Variants in CDKL4 observed in about 807,000 individuals in gnomAD.
CDKL4 encodes cyclin dependent kinase like 4.
A neutral mutation model predicts 42.0 loss-of-function variants in CDKL4; 44 were observed. That is an observed-to-expected ratio of 1.05 (90% confidence interval 0.82 to 1.35). CDKL4 has a LOEUF of 1.35. Among genes scored for constraint, CDKL4 ranks in the 40% most tolerant of loss-of-function variants. CDKL4 has a pLI of 0.00. For synonymous variants in CDKL4, 120 were observed against 121.6 expected (o/e 0.99, Z 0.09); for missense variants, 393 against 369.9 (o/e 1.06, Z -0.51).
intron 3 of CDKL4, 33 bp downstream of exon 3, chr2:39,225,806 G>C: frequency 1.3e-6 from 2 of 1,579,032 alleles, no homozygotes; most frequent in African/African-American, 1.4e-5. Context: ...CTGAGAACTG[G>C]CTGTACAGAA....
chr2:39,227,037 C>T (rs1389017273), intron 2 of CDKL4, among the ~76,000 whole-genome samples: 1 of 152,178 alleles, frequency 6.6e-6, no homozygotes, highest in Non-Finnish European at 1.5e-5. Context: ...CCATCTGCCT[C>T]GGCTTCTCAA....
At chr2:39,233,912 CTTTT>C (rs35337082) in intron 1 of CDKL4, among the ~76,000 whole-genome samples, 1 of 90,616 alleles carries the variant, frequency 1.1e-5, no homozygotes, top group Non-Finnish European at 2.3e-5. Flanking sequence ...TTTATTTTTA[CTTTT>C]TTTTTTTTTT....
chr2:39,228,986 T>C (rs1324052890), intron 2 of CDKL4, among the ~76,000 whole-genome samples: 2 of 152,176 alleles, frequency 1.3e-5, no homozygotes, highest in Admixed American at 6.5e-5. Context: ...TACCAGGGCA[T>C]TGGTGCGGTC....
chr2:39,173,644 C>T (rs1248578869), downstream of CDKL4, among the ~76,000 whole-genome samples: 1 of 151,976 alleles, frequency 6.6e-6, no homozygotes, highest in Non-Finnish European at 1.5e-5. Context: ...CCTGTCTCTA[C>T]TAAAAATACA....
rs540359890 is a variant in CDKL4 at position 39,203,226 on chromosome 2, T to C, written c.454+1301A>G. Among the ~76,000 whole-genome samples, 6 of 152,160 alleles carry C rather than the reference T, an allele frequency of 3.9e-5. No homozygotes were observed. In the East Asian group the frequency reaches 9.6e-4, roughly 24 times the overall value. Reference sequence around the variant, plus strand: ...ATGAAAAAGGAAAGGAAAAAAAGAATGCATATTCATGAAAAATTAAAAATA... The same window carrying C: ...ATGAAAAAGGAAAGGAAAAAAAGAACGCATATTCATGAAAAATTAAAAATA... On this transcript the variant is annotated intron_variant, in intron 5 of 9. Transcript: ENST00000451199.
chr2:39,206,055 T>C (rs1267780643), intron 4 of CDKL4, among the ~76,000 whole-genome samples: 1 of 42,684 alleles, frequency 2.3e-5, no homozygotes, highest in Non-Finnish European at 7.4e-5. Context: ...TTTTTTTTTG[T>C]TTTTTGTTTT....
intron 3 of CDKL4, among the ~76,000 whole-genome samples, chr2:39,218,428 G>A (rs1445754154): frequency 1.3e-5 from 2 of 152,176 alleles, no homozygotes. Flanking sequence ...GAGTTTGGGA[G>A]TTTGAGGCTG....
intron 2 of CDKL4, among the ~76,000 whole-genome samples, chr2:39,226,951 G>C (rs761095182): frequency 3.9e-5 from 6 of 152,084 alleles, no homozygotes; most frequent in Admixed American, 6.6e-5. Context: ...ATTTTTAGTA[G>C]AGATGGGGTT....
At chr2:39,188,132 G>A (rs114145064) in intron 6 of CDKL4, among the ~76,000 whole-genome samples, 3,344 of 152,222 alleles carry the variant, frequency 0.022, 45 homozygotes, top group Middle Eastern at 0.027. Context: ...TGAAGTGCAG[G>A]TGTGAAAGAA....
chr2:39,181,550 T>C (rs1186311315), intron 8 of CDKL4, among the ~76,000 whole-genome samples: 1 of 149,502 alleles, frequency 6.7e-6, no homozygotes, highest in Non-Finnish European at 1.5e-5. Flanking sequence ...AAAATATGTA[T>C]GTTGAAGTTC....
At chr2:39,197,521 G>A (rs1016118512) in intron 5 of CDKL4, among the ~76,000 whole-genome samples, 2 of 152,104 alleles carry the variant, frequency 1.3e-5, no homozygotes, top group Admixed American at 1.3e-4. Flanking sequence ...AAAGATCATC[G>A]CCTAGGCACA....
chr2:39,188,555 C>A (rs185436550), intron 6 of CDKL4, among the ~76,000 whole-genome samples: 88 of 89,000 alleles, frequency 9.9e-4, no homozygotes, highest in African/African-American at 3.6e-3. Context: ...AGTGACAGTC[C>A]GTCTCAAAAA....
chr2:39,219,749 G>C (rs1678186837), intron 3 of CDKL4, among the ~76,000 whole-genome samples: 1 of 152,096 alleles, frequency 6.6e-6, no homozygotes, highest in Non-Finnish European at 1.5e-5. Flanking sequence ...AATCACCTGA[G>C]GCCATCTGGA....
chr2:39,211,383 C>A (rs1304735342), intron 4 of CDKL4, among the ~76,000 whole-genome samples: 7 of 152,020 alleles, frequency 4.6e-5, no homozygotes, highest in Admixed American at 4.6e-4. Context: ...GCGAGACTGT[C>A]CCAAAAATAT....
At position 39,223,581 on chromosome 2, in the gene CDKL4, C is replaced by CTTT. The variant is rs59461223; in HGVS notation, c.290+2255_290+2257dup. 5.6e-3 allele frequency among the ~76,000 whole-genome samples: 466 copies of CTTT among 83,480 alleles called. 21 individuals carry two copies. The highest frequency in any genetic ancestry group is 0.021 in the African/African-American group (446 of 20,766). The allele number at this position is 83,480 out of a possible 152,430, so 54.8% of individuals were successfully genotyped here. ...TTAGATGTACTGGTCATTTCCTTCTCTTTTTTTTTTTTTTTGAAGACTTCT... is the reference window on the plus strand; with the variant it reads ...TTAGATGTACTGGTCATTTCCTTCTCTTTTTTTTTTTTTTTTTTGAAGACTTCT... On this transcript the variant is annotated intron_variant, in intron 3 of 9. Coordinates refer to ENST00000451199, the Ensembl canonical transcript of CDKL4.
intron 3 of CDKL4, among the ~76,000 whole-genome samples, chr2:39,223,679 C>G (rs945427355): frequency 6.9e-6 from 1 of 145,176 alleles, no homozygotes; most frequent in Non-Finnish European, 1.5e-5. Flanking sequence ...GTGGCATGAT[C>G]TCTGCTCACT....
At chr2:39,230,850 G>A (rs1399312570) in intron 1 of CDKL4, among the ~76,000 whole-genome samples, 1 of 152,182 alleles carries the variant, frequency 6.6e-6, no homozygotes, top group Non-Finnish European at 1.5e-5. Flanking sequence ...AGAACCCACG[G>A]AGTGAGATTT....
chr2:39,173,882 C>T (rs1675068129), downstream of CDKL4, among the ~76,000 whole-genome samples: 2 of 149,338 alleles, frequency 1.3e-5, no homozygotes, highest in Non-Finnish European at 3.0e-5. Context: ...ACTTGAGAGA[C>T]TGAGGCAGGA....
Position 39,240,670 on chromosome 2 carries a change from T to C in CDKL4, c.-57+3201A>G, listed in dbSNP as rs548900850. Among the ~76,000 whole-genome samples, 176 of 121,100 alleles carry C rather than the reference T, an allele frequency of 1.5e-3. 1 individual carries two copies. Among genetic ancestry groups the C allele is most frequent in the African/African-American group, 5.5e-3 (174 of 31,728 alleles). The allele number at this position is 121,100 out of a possible 152,430, so 79.4% of individuals were successfully genotyped here. On this transcript the variant is annotated intron_variant, in intron 1 of 9. Transcript: ENST00000451199. ...AGGAATGAACTTGCTATAATGTAGATGAACATTAAAAAAAAAAAAAAAAAA... is the reference window on the plus strand; with the variant it reads ...AGGAATGAACTTGCTATAATGTAGACGAACATTAAAAAAAAAAAAAAAAAA...
Sources: gnomAD v4.1 joint callset for allele counts (sites outside exome capture counted in the v4.1 genomes callset) on GRCh38, gnomAD v4.1.1 for gene constraint, MANE v1.5 for transcripts, NCBI Gene and HGNC (gene_info 2026-07-23, HGNC 2026-07-21) for gene names.